The following PICALM variants were observed in gnomAD, a reference collection of about 807,000 sequenced individuals.
PICALM encodes phosphatidylinositol binding clathrin assembly protein.
PICALM carries 40 observed loss-of-function variants against 80.5 expected under a neutral mutation model. That is an observed-to-expected ratio of 0.50 (90% CI 0.39 to 0.65). The LOEUF is 0.65. PICALM is among the 30% of genes least tolerant of loss of function. The pLI is 0.00. For missense variants in PICALM, 676 were observed against 778.9 expected, an observed-to-expected ratio of 0.87 and a Z score of 1.57; for synonymous variants, 288 against 260.3, an observed-to-expected ratio of 1.11 and a Z score of -1.02.
chr11:86,001,019 G>C lies in PICALM; in HGVS notation c.1017+16C>G. On this transcript the variant is annotated intron_variant, in intron 10 of 19. Coordinates refer to ENST00000393346, the MANE Select transcript of PICALM (RefSeq NM_007166.4). ...CTGTACTCATTTTTCGAAATAAGGA[G>C]AATGCACAAACTTACCTTTAAAGCT... 6.2e-7 allele frequency: 1 copy of C among 1,613,554 alleles called. No homozygotes were observed. Among genetic ancestry groups the C allele is most frequent in the Non-Finnish European group, 8.5e-7 (1 of 1,179,676 alleles).
At chr11:86,008,644 AATTC>A (rs1423579168) in intron 7 of PICALM, among the ~76,000 whole-genome samples, 2 of 151,982 alleles carry the variant, frequency 1.3e-5, no homozygotes, top group Admixed American at 1.3e-4. Context: ...AAATCTGATA[AATTC>A]ATTATTACTC....
intron 17 of PICALM, among the ~76,000 whole-genome samples, chr11:85,979,200 T>C (rs575643998): frequency 6.6e-6 from 1 of 152,224 alleles, no homozygotes; most frequent in Non-Finnish European, 1.5e-5. Flanking sequence ...TTAAAATCAG[T>C]GATGATAGGC....
chr11:86,015,028 C>T, intron 4 of PICALM, 65 bp from the exon 5 acceptor site: 1 of 947,742 alleles, frequency 1.1e-6, no homozygotes, highest in Non-Finnish European at 1.6e-6. Flanking sequence ...TTCAAACTCC[C>T]CCCCTGGTTT....
At chr11:86,022,587 T>C in intron 3 of PICALM, 118 bp from the exon 4 acceptor site, 1 of 540,880 alleles carries the variant, frequency 1.8e-6, no homozygotes, top group Non-Finnish European at 3.2e-6. Context: ...TAAAATGTCT[T>C]GATATCCCAA....
rs754259329 is a variant in PICALM, at chr11:86,012,341, G to T, written c.598C>A (p.Leu200Met). The T allele has an allele frequency of 6.2e-7, 1 of 1,611,032 alleles. No homozygotes were observed. The highest frequency in any genetic ancestry group is 2.2e-5 in the East Asian group (1 of 44,708). The change falls in exon 6 of 20, where the codon CTG becomes ATG. Residue 200 changes from leucine to methionine, a missense_variant. Around this residue, in one of 2 missense-constraint regions of PICALM, gnomAD observed 285 missense variants for 395.4 expected, o/e 0.72. Coordinates refer to ENST00000393346, the MANE Select transcript of PICALM (RefSeq NM_007166.4). The stretch of plus-strand genomic sequence containing the variant: ...AACAGTCTAATGGCATCTTTGAACA[G>T]GAGCATGAAGGCAGCATTTATTACC... ...NGVINAAFML[L>M]FKDAIRLFAA... is the part of the protein sequence containing the mutation.
chr11:86,036,923 G>A (rs1231689232), intron 1 of PICALM, among the ~76,000 whole-genome samples: 1 of 134,630 alleles, frequency 7.4e-6, no homozygotes, highest in Non-Finnish European at 1.5e-5. Context: ...GCAACACAGG[G>A]AGATCCTGTC....
chr11:86,015,351 A>G (rs1045071212), intron 4 of PICALM, among the ~76,000 whole-genome samples: 4 of 152,210 alleles, frequency 2.6e-5, no homozygotes, highest in African/African-American at 9.6e-5. Context: ...CATTTGCCTC[A>G]AGTCAAAAAA....
chr11:86,006,094 G>C (rs2095270541), intron 8 of PICALM, among the ~76,000 whole-genome samples: 2 of 152,134 alleles, frequency 1.3e-5, no homozygotes, highest in Non-Finnish European at 2.9e-5. Flanking sequence ...AAATGGGGTG[G>C]GTAACAGGTG....
intron 12 of PICALM, among the ~76,000 whole-genome samples, chr11:85,994,484 A>C (rs1051364397): frequency 6.6e-6 from 1 of 152,206 alleles, no homozygotes; most frequent in Non-Finnish European, 1.5e-5. Flanking sequence ...TGGTGTTTAA[A>C]AGAACTAAAT....
At chr11:86,037,150 T>G (rs1291334866) in intron 1 of PICALM, among the ~76,000 whole-genome samples, 2 of 149,728 alleles carry the variant, frequency 1.3e-5, no homozygotes, top group Admixed American at 6.7e-5. Flanking sequence ...TTCACCATGT[T>G]GGCCAGGATG....
intron 1 of PICALM, among the ~76,000 whole-genome samples, chr11:86,047,268 A>C (rs576844340): frequency 1.3e-5 from 2 of 152,304 alleles, no homozygotes; most frequent in South Asian, 2.1e-4. Context: ...AGTTCTCACA[A>C]ATCTAATTCC....
At chr11:85,979,711 C>T (rs1228397492) in intron 17 of PICALM, among the ~76,000 whole-genome samples, 2 of 152,116 alleles carry the variant, frequency 1.3e-5, no homozygotes, top group South Asian at 2.1e-4. Context: ...CATTAACCCA[C>T]GGAAAACAGG....
intron 19 of PICALM, among the ~76,000 whole-genome samples, chr11:85,962,570 C>T (rs1158723750): frequency 6.6e-6 from 1 of 152,180 alleles, no homozygotes; most frequent in Non-Finnish European, 1.5e-5. Context: ...TACTGCTAGA[C>T]AAGTCCTAGA....
intron 4 of PICALM, among the ~76,000 whole-genome samples, chr11:86,019,259 T>C (rs2095529211): frequency 1.6e-5 from 1 of 63,926 alleles, no homozygotes; most frequent in South Asian, 4.2e-4. Context: ...AATTTATACC[T>C]GATATTCTTG....
At chr11:86,026,970 C>G (rs2095658208) in intron 2 of PICALM, among the ~76,000 whole-genome samples, 1 of 152,170 alleles carries the variant, frequency 6.6e-6, no homozygotes, top group South Asian at 2.1e-4. Context: ...ATACAAGTAT[C>G]TATAAACTAT....
intron 1 of PICALM, among the ~76,000 whole-genome samples, chr11:86,052,537 C>T (rs1376742571): frequency 6.6e-6 from 1 of 152,170 alleles, no homozygotes; most frequent in Non-Finnish European, 1.5e-5. Flanking sequence ...TCTAGAGACT[C>T]GGAAATCCCC....
At chr11:85,990,146 T>C (rs1258636466) in intron 13 of PICALM, 104 bp downstream of exon 13, 4 of 577,844 alleles carry the variant, frequency 6.9e-6, no homozygotes, top group African/African-American at 5.7e-5. Context: ...GATATTAAAA[T>C]CTAAAGTAAC....
intron 19 of PICALM, chr11:85,969,713 C>G: frequency 2.5e-6 from 1 of 392,944 alleles, no homozygotes; most frequent in Non-Finnish European, 5.0e-6. Context: ...AACAGACAGT[C>G]TCACTATGTT....
chr11:85,975,594 T>C (rs1006881030), intron 18 of PICALM, among the ~76,000 whole-genome samples: 36 of 137,694 alleles, frequency 2.6e-4, no homozygotes, highest in African/African-American at 9.8e-4. Context: ...TCAGCAGACT[T>C]TTTTTTTTTT....
Sources: gnomAD v4.1 joint callset for allele counts (sites outside exome capture counted in the v4.1 genomes callset) on GRCh38, gnomAD v4.1.1 for gene constraint, gnomAD v4.1.1 regional missense constraint, MANE v1.5 for transcripts, NCBI Gene and HGNC (gene_info 2026-07-23, HGNC 2026-07-21) for gene names.